SORCS1: variants seen among roughly 807,000 people sequenced by gnomAD.
SORCS1 encodes sortilin related VPS10 domain containing receptor 1, also known as VPS10 domain-containing receptor SorCS1.
Under a neutral mutation model 146.1 loss-of-function variants are expected in SORCS1, and 60 were observed. The ratio of observed to expected loss-of-function variants is 0.41; its 90% confidence interval spans 0.33 to 0.51. The LOEUF (loss-of-function observed/expected upper bound fraction) is 0.51. SORCS1 is among the 20% of genes least tolerant of loss of function. SORCS1 has a pLI of 0.21. For missense variants in SORCS1, 1,352 were observed against 1,487.6 expected, an observed-to-expected ratio of 0.91 and a Z score of 1.50; for synonymous variants, 637 against 584.0, an observed-to-expected ratio of 1.09 and a Z score of -1.31.
intron 18 of SORCS1, among the ~76,000 whole-genome samples, chr10:106,629,991 G>A (rs1044834323): frequency 1.3e-5 from 2 of 152,184 alleles, no homozygotes; most frequent in African/African-American, 2.4e-5. Context: ...GTTGCAGTGT[G>A]CCAAGATCAT....
intron 17 of SORCS1, among the ~76,000 whole-genome samples, chr10:106,663,879 A>G (rs1427785469): frequency 6.6e-6 from 1 of 152,216 alleles, no homozygotes; most frequent in Non-Finnish European, 1.5e-5. Flanking sequence ...ACTTTAGTGT[A>G]TAAGACCCTA....
chr10:107,010,803 T>C (rs1340742022), intron 1 of SORCS1, among the ~76,000 whole-genome samples: 2 of 152,202 alleles, frequency 1.3e-5, no homozygotes, highest in Admixed American at 6.5e-5. Context: ...GCAGTGTCTA[T>C]TGGCAGAGGT....
intron 1 of SORCS1, among the ~76,000 whole-genome samples, chr10:107,078,827 T>C (rs958368418): frequency 1.3e-5 from 2 of 152,246 alleles, no homozygotes; most frequent in African/African-American, 4.8e-5. Context: ...TAAAGTACTC[T>C]CTGCAACTAG....
chr10:106,987,617 G>A (rs957548202), intron 1 of SORCS1, among the ~76,000 whole-genome samples: 9 of 152,114 alleles, frequency 5.9e-5, no homozygotes, highest in Non-Finnish European at 1.0e-4. Context: ...CATAGTTCCC[G>A]CCTACTGAGG....
chr10:106,773,907 C>A (rs1326118444), intron 4 of SORCS1, among the ~76,000 whole-genome samples: 1 of 152,074 alleles, frequency 6.6e-6, no homozygotes, highest in Non-Finnish European at 1.5e-5. Flanking sequence ...CCAGATTGCG[C>A]CATTGCACTC....
chr10:106,634,801 C>T (rs1368535333), intron 18 of SORCS1, among the ~76,000 whole-genome samples: 1 of 152,154 alleles, frequency 6.6e-6, no homozygotes, highest in East Asian at 1.9e-4. Context: ...TATTCATAAT[C>T]AGTAGTCAGG....
intron 1 of SORCS1, among the ~76,000 whole-genome samples, chr10:107,130,392 T>C (rs910575018): frequency 2.6e-5 from 4 of 152,202 alleles, no homozygotes; most frequent in African/African-American, 9.6e-5. Flanking sequence ...AGTTTTAAAG[T>C]AGAAAACATA....
chr10:106,630,524 G>T (rs1848379836), intron 18 of SORCS1, among the ~76,000 whole-genome samples: 1 of 152,050 alleles, frequency 6.6e-6, no homozygotes, highest in African/African-American at 2.4e-5. Flanking sequence ...GGTAATCAAG[G>T]CTCCCCTGGC....
intron 3 of SORCS1, among the ~76,000 whole-genome samples, chr10:106,824,039 C>T (rs1057028662): frequency 2.0e-5 from 3 of 152,200 alleles, no homozygotes; most frequent in Non-Finnish European, 2.9e-5. Context: ...CGTGGTGGCT[C>T]ATGCTTGTAA....
intron 1 of SORCS1, among the ~76,000 whole-genome samples, chr10:107,037,161 G>A (rs1249970723): frequency 6.6e-6 from 1 of 152,186 alleles, no homozygotes; most frequent in Admixed American, 6.5e-5. Context: ...AGGGAGAATT[G>A]CTTGAACCTG....
intron 1 of SORCS1, among the ~76,000 whole-genome samples, chr10:107,149,615 C>A (rs528571117): frequency 6.6e-6 from 1 of 152,274 alleles, no homozygotes; most frequent in East Asian, 1.9e-4. Context: ...TGTACGTGCA[C>A]GTGCATGCGC....
chr10:106,849,994 T>G (rs1949483416), intron 2 of SORCS1, among the ~76,000 whole-genome samples: 1 of 152,198 alleles, frequency 6.6e-6, no homozygotes, highest in South Asian at 2.1e-4. Context: ...TTCAAAGCTG[T>G]CAGACAGAGA....
intron 1 of SORCS1, among the ~76,000 whole-genome samples, chr10:107,007,565 C>T (rs1168301404): frequency 6.6e-6 from 1 of 152,202 alleles, no homozygotes. Flanking sequence ...CATACAACTG[C>T]CACTGGCAAG....
intron 2 of SORCS1, among the ~76,000 whole-genome samples, chr10:106,938,501 G>A (rs1192167785): frequency 3.9e-5 from 6 of 152,138 alleles, no homozygotes; most frequent in Non-Finnish European, 7.4e-5. Flanking sequence ...TAATCAGGAC[G>A]ACCATGGATA....
intron 2 of SORCS1, among the ~76,000 whole-genome samples, chr10:106,877,345 G>A (rs539156108): frequency 6.6e-6 from 1 of 152,204 alleles, no homozygotes; most frequent in African/African-American, 2.4e-5. Context: ...CAGTTTGGGA[G>A]GTCGAGCAGG....
rs114812209 is a variant in SORCS1, at chr10:106,873,987, A to G, written c.627-44314T>C. Among the ~76,000 whole-genome samples the G allele has an allele frequency of 1.8e-3, 270 of 152,316 alleles. 3 individuals carry two copies. Among genetic ancestry groups the G allele is most frequent in the African/African-American group, 5.1e-3 (214 of 41,574 alleles). On this transcript the variant is annotated intron_variant, in intron 2 of 25. Coordinates refer to ENST00000263054, the MANE Select transcript of SORCS1 (RefSeq NM_052918.5). The stretch of plus-strand genomic sequence containing the variant: ...GCCCAACCTCTCTGGGCTGTGCTTT[A>G]AAAATGCTGATTGACCTCACAAGGT...
At chr10:107,169,124 T>A (rs1182594469), upstream of SORCS1, among the ~76,000 whole-genome samples, 1 of 152,200 alleles carries the variant, frequency 6.6e-6, no homozygotes, top group Non-Finnish European at 1.5e-5. Context: ...CTTCCCTTTT[T>A]CCTAAGTCTC....
the SORCS1 span, among the ~76,000 whole-genome samples, chr10:107,171,181 AT>A: frequency 6.6e-6 from 1 of 152,186 alleles, no homozygotes; most frequent in Non-Finnish European, 1.5e-5. Context: ...ATCCATGTAT[AT>A]TTTTTAAAAA....
chr10:106,681,841 T>C (rs1222355241), intron 10 of SORCS1, among the ~76,000 whole-genome samples: 1 of 152,106 alleles, frequency 6.6e-6, no homozygotes, highest in Non-Finnish European at 1.5e-5. Flanking sequence ...AAAAGAAAGA[T>C]GTCAGGCCGG....
Sources: gnomAD v4.1 joint callset for allele counts (sites outside exome capture counted in the v4.1 genomes callset) on GRCh38, gnomAD v4.1.1 for gene constraint, MANE v1.5 for transcripts, NCBI Gene and HGNC (gene_info 2026-07-23, HGNC 2026-07-21) for gene names.